The following MALL variants were observed in gnomAD, a reference collection of about 807,000 sequenced individuals.
The protein encoded by MALL is mal, T cell differentiation protein like.
A neutral mutation model predicts 10.3 loss-of-function variants in MALL; 2 were observed. That is an observed-to-expected ratio of 0.19 (90% CI 0.08 to 0.61). The LOEUF (loss-of-function observed/expected upper bound fraction) is 0.61. Among genes scored for constraint, MALL ranks in the 20% least tolerant of loss-of-function variants. The probability of loss-of-function intolerance (pLI) is 0.88; values close to 1 mark genes in which losing one functional copy is unlikely to be tolerated. For synonymous variants in MALL, 27 were observed against 51.8 expected (o/e 0.52, Z 2.05); for missense variants, 39 against 115.2 (o/e 0.34, Z 3.03).
At chr2:110,100,325 C>T (rs1678535507) in intron 1 of MALL, among the ~76,000 whole-genome samples, 1 of 151,970 alleles carries the variant, frequency 6.6e-6, no homozygotes, top group African/African-American at 2.4e-5. Context: ...GAAAACGTTT[C>T]AAAAAATTAA....
chr2:110,110,125 G>T (rs1243235197), intron 1 of MALL, among the ~76,000 whole-genome samples: 1 of 151,910 alleles, frequency 6.6e-6, no homozygotes, highest in Non-Finnish European at 1.5e-5. Context: ...GTCTGAAAGA[G>T]CACAAACAGA....
At chr2:110,098,469 T>A (rs1678492056) in intron 1 of MALL, among the ~76,000 whole-genome samples, 1 of 152,164 alleles carries the variant, frequency 6.6e-6, no homozygotes, top group Non-Finnish European at 1.5e-5. Context: ...ATGCCGTATT[T>A]GTCCTTTTGT....
intron 1 of MALL, among the ~76,000 whole-genome samples, chr2:110,100,475 A>T (rs79095371): frequency 4.2e-5 from 2 of 47,496 alleles, no homozygotes; most frequent in African/African-American, 6.7e-5. Flanking sequence ...TCTGTCCCCC[A>T]CCCTAAAAAA....
chr2:110,115,561 C>T (rs1678897513), intron 1 of MALL, 127 bp downstream of exon 1: 1 of 435,602 alleles, frequency 2.3e-6, no homozygotes. Flanking sequence ...CAGGTGGCCC[C>T]TGTGCTTGCT....
rs1323975985 is a variant in MALL at position 110,098,701 on chromosome 2, A to T, written c.106-6931T>A. ...GAGTGTCCAAATAGCTCTTTGATGCACACTCCTGAAAAGGAAAAAACAGCT... is the reference window on the plus strand; with the variant it reads ...GAGTGTCCAAATAGCTCTTTGATGCTCACTCCTGAAAAGGAAAAAACAGCT... On this transcript the variant is annotated intron_variant, in intron 1 of 3. Coordinates refer to ENST00000272462, the MANE Select transcript of MALL (RefSeq NM_005434.5). Among the ~76,000 whole-genome samples the T allele has an allele frequency of 3.9e-5, 6 of 152,276 alleles. No homozygotes were observed. The East Asian group carries it at 1.2e-3, about 29-fold the overall frequency.
intron 1 of MALL, among the ~76,000 whole-genome samples, chr2:110,109,557 T>C (rs1017925528): frequency 6.6e-6 from 1 of 152,044 alleles, no homozygotes; most frequent in Non-Finnish European, 1.5e-5. Context: ...TATAAAACAA[T>C]TACTAATAGA....
chr2:110,114,008 C>T, intron 1 of MALL, among the ~76,000 whole-genome samples: 1 of 152,034 alleles, frequency 6.6e-6, no homozygotes, highest in Non-Finnish European at 1.5e-5. Context: ...GCCCCAGAGC[C>T]CAACACCAGC....
At chr2:110,102,897 A>G (rs1473763020) in intron 1 of MALL, among the ~76,000 whole-genome samples, 2 of 152,164 alleles carry the variant, frequency 1.3e-5, no homozygotes, top group Non-Finnish European at 2.9e-5. Flanking sequence ...GTGCTGTCAG[A>G]AAGGACAGTG....
chr2:110,106,176 G>A (rs1383300760), intron 1 of MALL, among the ~76,000 whole-genome samples: 1 of 152,154 alleles, frequency 6.6e-6, no homozygotes, highest in Non-Finnish European at 1.5e-5. Context: ...TAGTGACAAG[G>A]TTGACAGTTA....
At chr2:110,109,039 A>C (rs1574036513) in intron 1 of MALL, among the ~76,000 whole-genome samples, 1 of 152,192 alleles carries the variant, frequency 6.6e-6, no homozygotes, top group South Asian at 2.1e-4. Context: ...CTGCTAAAAG[A>C]AGCTCTAAAT....
At chr2:110,112,535 C>T (rs1678826695) in intron 1 of MALL, among the ~76,000 whole-genome samples, 1 of 151,932 alleles carries the variant, frequency 6.6e-6, no homozygotes, top group African/African-American at 2.4e-5. Context: ...CATTGTGAAA[C>T]CACCTTACTC....
intron 1 of MALL, chr2:110,097,421 G>A (rs1678468473): frequency 1.3e-5 from 6 of 452,656 alleles, no homozygotes; most frequent in Non-Finnish European, 2.2e-5. Context: ...AAAGTCGCGT[G>A]GGCACTGGAG....
chr2:110,111,768 T>A (rs1678807317), intron 1 of MALL, among the ~76,000 whole-genome samples: 1 of 151,994 alleles, frequency 6.6e-6, no homozygotes, highest in Non-Finnish European at 1.5e-5. Context: ...AGAGCCCACA[T>A]AACCAAAGCA....
chr2:110,107,237 C>T (rs1678716085), intron 1 of MALL, among the ~76,000 whole-genome samples: 1 of 152,116 alleles, frequency 6.6e-6, no homozygotes, highest in African/African-American at 2.4e-5. Flanking sequence ...TGATACTGTA[C>T]TACTGTTAGG....
At chr2:110,106,405 C>T (rs1678697371) in intron 1 of MALL, among the ~76,000 whole-genome samples, 1 of 152,090 alleles carries the variant, frequency 6.6e-6, no homozygotes, top group South Asian at 2.1e-4. Flanking sequence ...CCCCAGGCTC[C>T]CCCAAGGCAC....
chr2:110,105,153 A>T, intron 1 of MALL, among the ~76,000 whole-genome samples: 1 of 152,228 alleles, frequency 6.6e-6, no homozygotes, highest in Non-Finnish European at 1.5e-5. Context: ...AGGGTCTCAC[A>T]GCAATGAAGA....
chr2:110,097,418 C>T (rs748310446), intron 1 of MALL: 14 of 451,746 alleles, frequency 3.1e-5, no homozygotes, highest in East Asian at 2.8e-4. Flanking sequence ...AAGAAAGTCG[C>T]GTGGGCACTG....
intron 1 of MALL, among the ~76,000 whole-genome samples, chr2:110,101,515 G>A (rs557701346): frequency 2.0e-5 from 3 of 152,250 alleles, no homozygotes; most frequent in Non-Finnish European, 2.9e-5. Context: ...GGGAACTCGC[G>A]TCCGCAGCTG....
chr2:110,100,768 G>A (rs954689991), intron 1 of MALL, among the ~76,000 whole-genome samples: 9 of 152,164 alleles, frequency 5.9e-5, no homozygotes, highest in Non-Finnish European at 1.3e-4. Context: ...GGCGGCTGCA[G>A]CAGGAGCCCC....
Sources: gnomAD v4.1 joint callset for allele counts (sites outside exome capture counted in the v4.1 genomes callset) on GRCh38, gnomAD v4.1.1 for gene constraint, MANE v1.5 for transcripts, NCBI Gene and HGNC (gene_info 2026-07-23, HGNC 2026-07-21) for gene names.